CCDC102B: variants seen among roughly 807,000 people sequenced by gnomAD.
The protein encoded by CCDC102B is coiled-coil domain containing 102B, also known as coiled-coil domain-containing protein 102B.
A neutral mutation model predicts 57.4 loss-of-function variants in CCDC102B; 75 were observed. The observed-to-expected ratio is 1.31, with a 90% CI of 1.08 to 1.58. The LOEUF (loss-of-function observed/expected upper bound fraction) is 1.58. CCDC102B is among the 40% of genes most tolerant of loss of function. The probability of loss-of-function intolerance (pLI) is 0.00; values close to 1 mark genes in which losing one functional copy is unlikely to be tolerated. For missense variants in CCDC102B, 636 were observed against 582.6 expected (o/e 1.09, Z -0.94); for synonymous variants, 206 against 201.9 (o/e 1.02, Z -0.17).
intron 4 of CCDC102B, among the ~76,000 whole-genome samples, chr18:68,861,905 A>G (rs2038776248): frequency 6.6e-6 from 1 of 152,226 alleles, no homozygotes. Flanking sequence ...AAAATCAGCC[A>G]TATTTTTAGA....
At chr18:68,998,642 C>T (rs2051103204) in intron 6 of CCDC102B, among the ~76,000 whole-genome samples, 2 of 151,162 alleles carry the variant, frequency 1.3e-5, no homozygotes, top group African/African-American at 4.8e-5. Context: ...CCAAAGGGCC[C>T]TAGAGCTCCT....
At chr18:68,918,709 T>G (rs2041165615) in intron 6 of CCDC102B, among the ~76,000 whole-genome samples, 1 of 151,954 alleles carries the variant, frequency 6.6e-6, no homozygotes, top group African/African-American at 2.4e-5. Flanking sequence ...ACCCTTGGGG[T>G]TTTCAACTAT....
At chr18:68,837,413 A>G (rs780109428) in intron 2 of CCDC102B, 44 bp downstream of exon 2, 7 of 1,551,632 alleles carry the variant, frequency 4.5e-6, no homozygotes, top group East Asian at 2.3e-5. Context: ...TGAAGGTCAT[A>G]TATAGTGATG....
chr18:68,799,376 T>A (rs768010009), intron 1 of CCDC102B, among the ~76,000 whole-genome samples: 19 of 152,290 alleles, frequency 1.2e-4, no homozygotes, highest in Non-Finnish European at 2.4e-4. Context: ...GCATCCTTCA[T>A]ATGTTATCAT....
downstream of CCDC102B, among the ~76,000 whole-genome samples, chr18:69,057,529 C>T (rs138315893): frequency 2.5e-3 from 386 of 152,128 alleles, 2 homozygotes; most frequent in African/African-American, 8.1e-3. Flanking sequence ...TGAGCTTTTT[C>T]ATGTGGATAT....
intron 1 of CCDC102B, among the ~76,000 whole-genome samples, chr18:68,801,294 A>C (rs2035843127): frequency 1.3e-5 from 2 of 152,146 alleles, no homozygotes; most frequent in African/African-American, 4.8e-5. Context: ...GTAGATGCTC[A>C]ATGGAGATTG....
chr18:68,798,826 A>G (rs1017476261), intron 1 of CCDC102B, among the ~76,000 whole-genome samples: 2 of 151,930 alleles, frequency 1.3e-5, no homozygotes, highest in Non-Finnish European at 1.5e-5. Flanking sequence ...TATAAAACTG[A>G]AAAAAAATCT....
In CCDC102B at chr18:68,996,088, C is replaced by T. The variant is rs543413828; in HGVS notation, c.1264-14846C>T. Among the ~76,000 whole-genome samples the T allele has an allele frequency of 4.6e-5, 7 of 152,244 alleles. No individual in the cohort carries two copies. In the South Asian group the frequency reaches 1.0e-3, roughly 23 times the overall value. On this transcript the variant is annotated intron_variant, in intron 6 of 7. Coordinates refer to ENST00000360242, the MANE Select transcript of CCDC102B (RefSeq NM_024781.3). ...AGACTGAAAGATGCAAAGTATTGTT[C>T]CTGCGTGTGTCTGTGAGGGTGTTGC... is the stretch of plus-strand genomic sequence containing the variant.
chr18:69,040,541 T>C lies in CCDC102B; in HGVS notation c.1435-13489T>C, dbSNP rs536002232. ...ATAACAAGATCAAGCAATAGGATTA[T>C]TGAGATTTTTCATTAACTATCCTCT... On this transcript the variant is annotated intron_variant, in intron 7 of 7. Coordinates refer to ENST00000360242, the MANE Select transcript of CCDC102B (RefSeq NM_024781.3). Among the ~76,000 whole-genome samples the C allele has an allele frequency of 2.6e-5, 4 of 151,956 alleles. No homozygotes were observed. The South Asian group carries it at 8.3e-4, about 31-fold the overall frequency.
chr18:69,041,896 G>T lies in CCDC102B; in HGVS notation c.1435-12134G>T, dbSNP rs529909188. Among the ~76,000 whole-genome samples the T allele has an allele frequency of 9.2e-5, 14 of 152,024 alleles. No individual in the cohort carries two copies. The South Asian group carries it at 2.5e-3, about 27-fold the overall frequency. On this transcript the variant is annotated intron_variant, in intron 7 of 7. Transcript: ENST00000360242. ...TGGTCAGTTTCTGTTACATCATTGT[G>T]TTTATTTTTTCCTTGGAGTTTATCA...
intron 2 of CCDC102B, among the ~76,000 whole-genome samples, chr18:68,735,061 G>A (rs1486729693): frequency 3.3e-5 from 5 of 152,058 alleles, no homozygotes; most frequent in South Asian, 2.1e-4. Flanking sequence ...TTATTTATTT[G>A]TTTATTTAGA....
chr18:68,892,238 C>T (rs2040105285), intron 5 of CCDC102B, among the ~76,000 whole-genome samples: 1 of 152,120 alleles, frequency 6.6e-6, no homozygotes, highest in African/African-American at 2.4e-5. Flanking sequence ...CTACCCATGA[C>T]CTTGAAAAAC....
chr18:68,740,153 A>G (rs1410361336), intron 2 of CCDC102B, among the ~76,000 whole-genome samples: 1 of 152,130 alleles, frequency 6.6e-6, no homozygotes, highest in East Asian at 1.9e-4. Flanking sequence ...TACCCACTAG[A>G]TTCCTGCAGC....
chr18:68,820,386 A>G (rs1488661758), intron 1 of CCDC102B, among the ~76,000 whole-genome samples: 2 of 152,068 alleles, frequency 1.3e-5, no homozygotes, highest in African/African-American at 2.4e-5. Flanking sequence ...AACCAAAATT[A>G]TATTTCTGGA....
At chr18:68,759,562 T>C (rs12458298) in intron 2 of CCDC102B, among the ~76,000 whole-genome samples, 9,746 of 152,136 alleles carry the variant, frequency 0.064, 593 homozygotes, top group African/African-American at 0.15. Flanking sequence ...AATGGAACAA[T>C]GTCTTACAAT....
intron 6 of CCDC102B, among the ~76,000 whole-genome samples, chr18:68,996,219 G>C (rs1254791668): frequency 6.6e-6 from 1 of 152,148 alleles, no homozygotes; most frequent in Non-Finnish European, 1.5e-5. Context: ...ATAAAAGCAG[G>C]CAGAGGAACA....
chr18:68,890,749 G>C (rs1325070993), intron 5 of CCDC102B, among the ~76,000 whole-genome samples: 1 of 151,866 alleles, frequency 6.6e-6, no homozygotes, highest in African/African-American at 2.4e-5. Flanking sequence ...ATTGTTTTTG[G>C]ATTTATTCAT....
intron 6 of CCDC102B, among the ~76,000 whole-genome samples, chr18:69,009,414 C>A (rs2051438992): frequency 1.3e-5 from 2 of 152,112 alleles, no homozygotes; most frequent in Admixed American, 1.3e-4. Flanking sequence ...CTGGTCACCA[C>A]TACAATTTTC....
intron 2 of CCDC102B, among the ~76,000 whole-genome samples, chr18:68,772,232 A>G (rs984329419): frequency 1.3e-5 from 2 of 152,126 alleles, no homozygotes; most frequent in Non-Finnish European, 2.9e-5. Context: ...GTTTAACACA[A>G]TGACTTTTTT....
Sources: allele counts gnomAD v4.1 joint callset (sites outside exome capture counted in the v4.1 genomes callset), GRCh38; gene constraint gnomAD v4.1.1; transcripts MANE v1.5; gene names NCBI Gene and HGNC (gene_info 2026-07-23, HGNC 2026-07-21).